The following MECOM variants were observed in gnomAD, a reference collection of about 807,000 sequenced individuals.
MECOM encodes the protein histone-lysine N-methyltransferase MECOM.
A neutral mutation model predicts 116.3 loss-of-function variants in MECOM; 13 were observed. The observed-to-expected ratio is 0.11, with a 90% CI of 0.07 to 0.18. MECOM has a LOEUF of 0.18. MECOM is among the 10% of genes least tolerant of loss of function. MECOM has a pLI of 1.00. For synonymous variants in MECOM, 528 were observed against 535.2 expected, an observed-to-expected ratio of 0.99 and a Z score of 0.19; for missense variants, 1,299 against 1,509.0, an observed-to-expected ratio of 0.86 and a Z score of 2.31.
At chr3:169,369,342 CT>C (rs10661629) in intron 2 of MECOM, among the ~76,000 whole-genome samples, 1,204 of 86,930 alleles carry the variant, frequency 0.014, 8 homozygotes, top group Non-Finnish European at 0.016. Flanking sequence ...TGATTGCAGC[CT>C]TTTTTTTTTT....
intron 2 of MECOM, among the ~76,000 whole-genome samples, chr3:169,359,829 T>C (rs1204963125): frequency 6.6e-6 from 1 of 151,806 alleles, no homozygotes; most frequent in Non-Finnish European, 1.5e-5. Flanking sequence ...ATCCACACTG[T>C]TCTCAATGGA....
intron 1 of MECOM, among the ~76,000 whole-genome samples, chr3:169,622,615 T>C (rs998100240): frequency 4.6e-5 from 7 of 152,248 alleles, no homozygotes; most frequent in African/African-American, 1.7e-4. Flanking sequence ...GCAAAGGTTA[T>C]ATCACCTATT....
chr3:169,380,228 T>G (rs1732170506), intron 2 of MECOM, among the ~76,000 whole-genome samples: 1 of 152,184 alleles, frequency 6.6e-6, no homozygotes, highest in Admixed American at 6.5e-5. Flanking sequence ...ATCTGATTTC[T>G]GTCTACTGAA....
At chr3:169,358,701 C>T (rs186446801) in intron 2 of MECOM, among the ~76,000 whole-genome samples, 14 of 151,592 alleles carry the variant, frequency 9.2e-5, no homozygotes, top group Non-Finnish European at 1.8e-4. Flanking sequence ...AGGGCCTACA[C>T]GAAAATTAAC....
intron 1 of MECOM, among the ~76,000 whole-genome samples, chr3:169,476,257 A>AG (rs1750356554): frequency 6.6e-6 from 1 of 152,254 alleles, no homozygotes; most frequent in Non-Finnish European, 1.5e-5. Flanking sequence ...GTATTACACA[A>AG]TTAGATTGAT....
At chr3:169,114,296 T>C (rs944880234) in intron 8 of MECOM, among the ~76,000 whole-genome samples, 3 of 152,202 alleles carry the variant, frequency 2.0e-5, no homozygotes, top group African/African-American at 7.2e-5. Flanking sequence ...CTGAGTTATT[T>C]TGTATTGTCC....
intron 2 of MECOM, among the ~76,000 whole-genome samples, chr3:169,322,607 G>T (rs1018662444): frequency 1.3e-5 from 2 of 151,930 alleles, no homozygotes; most frequent in African/African-American, 4.8e-5. Flanking sequence ...ATTCTTCCTG[G>T]AGTGTTCACC....
intron 2 of MECOM, among the ~76,000 whole-genome samples, chr3:169,213,806 T>A (rs1751087822): frequency 6.6e-6 from 1 of 152,152 alleles, no homozygotes; most frequent in African/African-American, 2.4e-5. Context: ...AAGAAGGCCC[T>A]AAAACTAAAC....
At chr3:169,274,142 C>A (rs188975980) in intron 2 of MECOM, among the ~76,000 whole-genome samples, 2 of 152,058 alleles carry the variant, frequency 1.3e-5, no homozygotes, top group East Asian at 3.9e-4. Flanking sequence ...AAACTCCTGA[C>A]CTCAGGTGAT....
chr3:169,543,367 A>T (rs569268092), intron 1 of MECOM, among the ~76,000 whole-genome samples: 2 of 152,190 alleles, frequency 1.3e-5, no homozygotes, highest in African/African-American at 4.8e-5. Flanking sequence ...TGAGGCTAGG[A>T]GTTCTAGACC....
At chr3:169,651,849 T>C (rs28584429) in intron 1 of MECOM, among the ~76,000 whole-genome samples, 14,904 of 152,102 alleles carry the variant, frequency 0.098, 2,352 homozygotes, top group African/African-American at 0.33. Context: ...TGTGCTAATA[T>C]ATGCATGGGG....
chr3:169,171,748 G>A (rs1744437259), intron 2 of MECOM, among the ~76,000 whole-genome samples: 1 of 151,924 alleles, frequency 6.6e-6, no homozygotes, highest in South Asian at 2.1e-4. Flanking sequence ...TGTAAAATGG[G>A]AAAGACCACA....
intron 2 of MECOM, among the ~76,000 whole-genome samples, chr3:169,254,010 C>T (rs993200859): frequency 6.6e-6 from 1 of 151,978 alleles, no homozygotes; most frequent in African/African-American, 2.4e-5. Context: ...TTGTCAAAAC[C>T]ACTTGTATTA....
chr3:169,352,733 G>A (rs188247588), intron 2 of MECOM, among the ~76,000 whole-genome samples: 42 of 151,956 alleles, frequency 2.8e-4, no homozygotes, highest in Non-Finnish European at 3.5e-4. Flanking sequence ...TTGTCCAATA[G>A]GCATTTGAGC....
intron 1 of MECOM, among the ~76,000 whole-genome samples, chr3:169,387,039 T>C (rs529950665): frequency 6.6e-6 from 1 of 152,344 alleles, no homozygotes; most frequent in Non-Finnish European, 1.5e-5. Flanking sequence ...GGATATTGTA[T>C]TTTAAAATTT....
At chr3:169,387,051 C>T (rs1733453736) in intron 1 of MECOM, among the ~76,000 whole-genome samples, 1 of 151,850 alleles carries the variant, frequency 6.6e-6, no homozygotes, top group Non-Finnish European at 1.5e-5. Flanking sequence ...TTAAAATTTC[C>T]TAGTAGACAA....
chr3:169,482,006 G>C (rs973691585), intron 1 of MECOM, among the ~76,000 whole-genome samples: 2 of 152,114 alleles, frequency 1.3e-5, no homozygotes, highest in African/African-American at 2.4e-5. Context: ...TCTGAATCAG[G>C]AATTTATAGA....
rs56270349 is a variant in MECOM, at chr3:169,659,440, A to ATTTTTTTTTTTTTT, written c.37+3882_37+3895dup. Among the ~76,000 whole-genome samples, 51 of 62,142 alleles carry ATTTTTTTTTTTTTT rather than the reference A, an allele frequency of 8.2e-4. 10 individuals are homozygous for ATTTTTTTTTTTTTT. The highest frequency in any genetic ancestry group is 3.0e-3 in the African/African-American group (48 of 16,260). 40.8% of individuals were successfully genotyped at this position (62,142 alleles called of 152,430 possible). A position where few individuals can be genotyped will look rare whatever the true frequency, so the allele number is the denominator to read the frequency against. On this transcript the variant is annotated intron_variant, in intron 1 of 16. Coordinates refer to ENST00000651503, the MANE Select transcript of MECOM (RefSeq NM_004991.4). ...GTAATTAACCTTCCCCTAAACACAG[A>ATTTTTTTTTTTTTT]TTTTTTTTTTTTTTTTTTTTTTTTT...
At chr3:169,626,016 A>G (rs1771325866) in intron 1 of MECOM, among the ~76,000 whole-genome samples, 2 of 152,198 alleles carry the variant, frequency 1.3e-5, no homozygotes, top group South Asian at 4.1e-4. Flanking sequence ...ACCATTTACC[A>G]CTTTTATTTC....
Sources: gnomAD v4.1 joint callset for allele counts (sites outside exome capture counted in the v4.1 genomes callset) on GRCh38, gnomAD v4.1.1 for gene constraint, MANE v1.5 for transcripts, NCBI Gene and HGNC (gene_info 2026-07-23, HGNC 2026-07-21) for gene names.